Variants in WASF1 observed in about 807,000 individuals in gnomAD.
The protein encoded by WASF1 is WASP family member 1, also known as actin-binding protein WASF1.
A neutral mutation model predicts 50.5 loss-of-function variants in WASF1; 7 were observed. The observed-to-expected ratio is 0.14, with a 90% CI of 0.08 to 0.26. WASF1 has a LOEUF of 0.26. Ranked by LOEUF, WASF1 falls within the 10% of genes least tolerant of loss-of-function variation. WASF1 has a pLI of 1.00. For synonymous variants in WASF1, 205 were observed against 244.0 expected, an observed-to-expected ratio of 0.84 and a Z score of 1.49; for missense variants, 470 against 694.7, an observed-to-expected ratio of 0.68 and a Z score of 3.64.
chr6:110,121,075 A>G (rs189284826), intron 4 of WASF1, among the ~76,000 whole-genome samples: 1 of 152,248 alleles, frequency 6.6e-6, no homozygotes, highest in African/African-American at 2.4e-5. Context: ...ACCTAACACC[A>G]TAAAAACCCT....
intron 2 of WASF1, among the ~76,000 whole-genome samples, chr6:110,163,033 C>T (rs948050514): frequency 2.0e-5 from 3 of 151,588 alleles, no homozygotes; most frequent in African/African-American, 4.8e-5. Flanking sequence ...TAAGCAATTA[C>T]AGCATGGATA....
chr6:110,163,512 G>GATCT (rs1395569580), intron 2 of WASF1, among the ~76,000 whole-genome samples: 1 of 151,434 alleles, frequency 6.6e-6, no homozygotes, highest in Non-Finnish European at 1.5e-5. Flanking sequence ...CCACTCTCAT[G>GATCT]ATCTAATCAT....
At chr6:110,151,468 T>G (rs187553893) in intron 3 of WASF1, among the ~76,000 whole-genome samples, 95 of 152,346 alleles carry the variant, frequency 6.2e-4, no homozygotes, top group African/African-American at 2.2e-3. Context: ...GCATCCTACA[T>G]GTTATAAAAA....
intron 3 of WASF1, among the ~76,000 whole-genome samples, chr6:110,159,977 G>A (rs1467828675): frequency 6.6e-6 from 1 of 151,614 alleles, no homozygotes; most frequent in East Asian, 1.9e-4. Context: ...AAAGAACAAT[G>A]GCTTCAGCAA....
chr6:110,161,930 T>C (rs1776276498), intron 2 of WASF1, among the ~76,000 whole-genome samples: 1 of 151,444 alleles, frequency 6.6e-6, no homozygotes, highest in Non-Finnish European at 1.5e-5. Context: ...AAAAGAGGTC[T>C]AACACAAAAC....
chr6:110,107,963 A>G (rs1773394468), intron 6 of WASF1, among the ~76,000 whole-genome samples: 2 of 151,926 alleles, frequency 1.3e-5, no homozygotes, highest in Admixed American at 1.3e-4. Flanking sequence ...TCAGATCGAG[A>G]CCATCCTGGC....
At chr6:110,142,355 G>A (rs1022007613) in intron 3 of WASF1, among the ~76,000 whole-genome samples, 2 of 152,100 alleles carry the variant, frequency 1.3e-5, no homozygotes, top group Non-Finnish European at 2.9e-5. Flanking sequence ...TAGGTACAAT[G>A]CAAAAGCTTT....
Position 110,101,690 on chromosome 6 carries a change from G to A in WASF1, c.1420C>T (p.Pro474Ser), listed in dbSNP as rs762030215. Residue 474 changes from proline (P) to serine (S), a missense_variant, in exon 10 of 11, where the codon CCT (proline) becomes TCT (serine). This residue lies in a region of WASF1 where 294 missense variants were observed against 343.5 expected (regional missense o/e 0.86). Transcript: ENST00000392589. ...GPHVPLMPPS[P>S]PSQVIPASEP... Reference sequence around the variant, plus strand: ...GAAGCAGGTATAACTTGTGATGGAGGAGATGGAGGCATTAATGGAACATGG... The same window carrying A: ...GAAGCAGGTATAACTTGTGATGGAGAAGATGGAGGCATTAATGGAACATGG... 11 of 1,614,156 alleles carry A rather than the reference G, an allele frequency of 6.8e-6. No homozygotes were observed.
chr6:110,142,384 C>T (rs1209928843), intron 3 of WASF1, among the ~76,000 whole-genome samples: 1 of 152,092 alleles, frequency 6.6e-6, no homozygotes, highest in Non-Finnish European at 1.5e-5. Context: ...AAAACCTTTC[C>T]TCATCCTTTC....
chr6:110,103,800 A>G (rs1005688600), intron 8 of WASF1, among the ~76,000 whole-genome samples: 4 of 152,214 alleles, frequency 2.6e-5, no homozygotes, highest in Non-Finnish European at 5.9e-5. Context: ...TTATTATTTT[A>G]TAACAGAATA....
intron 2 of WASF1, among the ~76,000 whole-genome samples, chr6:110,175,380 G>A (rs566832038): frequency 3.3e-5 from 5 of 152,058 alleles, no homozygotes; most frequent in South Asian, 2.1e-4. Flanking sequence ...CAAAAATAAC[G>A]CCTTTAAGAG....
At chr6:110,105,707 T>C in intron 7 of WASF1, 128 bp from the exon 8 acceptor site, 1 of 887,882 alleles carries the variant, frequency 1.1e-6, no homozygotes, top group African/African-American at 1.7e-5. Flanking sequence ...ATAGTAAAAG[T>C]AACACAGAAA....
intron 3 of WASF1, among the ~76,000 whole-genome samples, chr6:110,130,385 G>A (rs933301128): frequency 6.6e-6 from 1 of 152,076 alleles, no homozygotes; most frequent in African/African-American, 2.4e-5. Flanking sequence ...TTTATAATAA[G>A]CATTTCCTTG....
chr6:110,167,489 T>C (rs1776528131), intron 2 of WASF1, among the ~76,000 whole-genome samples: 1 of 152,060 alleles, frequency 6.6e-6, no homozygotes, highest in South Asian at 2.1e-4. Flanking sequence ...TAGGATAAGG[T>C]GTGTGTTTCT....
At chr6:110,155,536 C>CTTTTT (rs66645132) in intron 3 of WASF1, among the ~76,000 whole-genome samples, 882 of 45,978 alleles carry the variant, frequency 0.019, 11 homozygotes, top group Non-Finnish European at 0.027. Context: ...AAAGTGCCTT[C>CTTTTT]TTTTTTTTTT....
In WASF1 at chr6:110,105,391, A is replaced by AG; in HGVS notation, c.713+15_713+16insC. On this transcript the variant is annotated intron_variant, in intron 8 of 10. Coordinates refer to ENST00000392589, the MANE Select transcript of WASF1 (RefSeq NM_003931.3). ...AATGTTTTATCATTTAAAAAAAAAA[A>AG]CAAAAGTAAAGAAACCTTGTTTCAA... 1 of 1,576,906 alleles carries AG rather than the reference A, an allele frequency of 6.3e-7. No individual in the cohort carries two copies. The highest frequency in any genetic ancestry group is 8.6e-7 in the Non-Finnish European group (1 of 1,166,270).
intron 2 of WASF1, among the ~76,000 whole-genome samples, chr6:110,165,625 T>C (rs776540088): frequency 2.0e-5 from 3 of 151,794 alleles, no homozygotes; most frequent in African/African-American, 7.2e-5. Context: ...TTTAAGAATG[T>C]ATTCCCTTTA....
chr6:110,101,083 C>T (rs1367430281), intron 10 of WASF1, among the ~76,000 whole-genome samples: 1 of 152,142 alleles, frequency 6.6e-6, no homozygotes, highest in East Asian at 1.9e-4. Context: ...ATTCTATATG[C>T]TCAGTGCCTG....
At chr6:110,152,637 G>A (rs1035575105) in intron 3 of WASF1, among the ~76,000 whole-genome samples, 1 of 152,144 alleles carries the variant, frequency 6.6e-6, no homozygotes, top group Admixed American at 6.6e-5. Context: ...AAGAAATGTA[G>A]CCGTCAGTGC....
Sources: gnomAD v4.1 joint callset for allele counts (sites outside exome capture counted in the v4.1 genomes callset) on GRCh38, gnomAD v4.1.1 for gene constraint, gnomAD v4.1.1 regional missense constraint, MANE v1.5 for transcripts, NCBI Gene and HGNC (gene_info 2026-07-23, HGNC 2026-07-21) for gene names.